PDS5A: variants seen among roughly 807,000 people sequenced by gnomAD.
PDS5A encodes PDS5 cohesin associated factor A, also known as sister chromatid cohesion protein PDS5 homolog A.
Under a neutral mutation model 167.1 loss-of-function variants are expected in PDS5A, and 42 were observed. The ratio of observed to expected loss-of-function variants is 0.25; its 90% confidence interval spans 0.20 to 0.33. The LOEUF (loss-of-function observed/expected upper bound fraction) is 0.33, where lower values mean the gene tolerates loss of function less well. PDS5A is among the 10% of genes least tolerant of loss of function. PDS5A has a pLI of 1.00. For missense variants in PDS5A, 1,033 were observed against 1,605.9 expected (o/e 0.64, Z 6.10); for synonymous variants, 553 against 554.6 (o/e 1.00, Z 0.04).
chr4:39,859,670 A>C (rs1718822688), intron 26 of PDS5A, among the ~76,000 whole-genome samples: 1 of 152,124 alleles, frequency 6.6e-6, no homozygotes. Context: ...TGGTCTCCTA[A>C]ACTGTCAGAA....
intron 21 of PDS5A, 51 bp downstream of exon 21, chr4:39,872,935 G>C (rs1194149998): frequency 9.6e-7 from 1 of 1,040,524 alleles, no homozygotes; most frequent in Non-Finnish European, 1.3e-6. Context: ...TGATGAAGAT[G>C]TAAACAGCCT....
chr4:39,908,337 A>C (rs1723576408), intron 11 of PDS5A, 58 bp downstream of exon 11: 9 of 1,287,952 alleles, frequency 7.0e-6, no homozygotes, highest in Non-Finnish European at 6.7e-6. Context: ...ATGATACCCA[A>C]TTGTATTTAG....
chr4:39,902,979 C>T (rs1723008724), intron 12 of PDS5A, among the ~76,000 whole-genome samples: 1 of 152,166 alleles, frequency 6.6e-6, no homozygotes, highest in South Asian at 2.1e-4. Context: ...CTGTCTGTGG[C>T]TTTATAATTT....
At position 39,823,251 on chromosome 4, in the gene PDS5A, C is replaced by T. The variant is rs1446635313; in HGVS notation, c.*2234G>A. Reference sequence around the variant, plus strand: ...TAAAAAAATTCCCGTAAACAAGTCCCTCCCCATCAGCTTGGTCTTTCCACA... The same window carrying T: ...TAAAAAAATTCCCGTAAACAAGTCCTTCCCCATCAGCTTGGTCTTTCCACA... On this transcript the variant is annotated 3_prime_UTR_variant, in exon 33 of 33. Transcript: ENST00000303538. 1.3e-5 allele frequency: 2 copies of T among 152,210 alleles called. No individual in the cohort carries two copies. The highest frequency in any genetic ancestry group is 6.5e-5 in the Admixed American group (1 of 15,270). 9.4% of individuals were successfully genotyped at this position (152,210 alleles called of 1,614,324 possible).
intron 30 of PDS5A, among the ~76,000 whole-genome samples, chr4:39,843,214 C>CA (rs1560419972): frequency 6.6e-6 from 1 of 151,692 alleles, no homozygotes; most frequent in East Asian, 1.9e-4. Context: ...CTTTGTCACC[C>CA]AGGCTGGAGT....
chr4:39,892,635 T>C (rs1000297135), intron 16 of PDS5A, among the ~76,000 whole-genome samples: 1 of 152,204 alleles, frequency 6.6e-6, no homozygotes. Flanking sequence ...GCAAGCTCCA[T>C]GAGAAACCAT....
At chr4:39,894,880 T>C (rs1722258916) in intron 16 of PDS5A, among the ~76,000 whole-genome samples, 1 of 152,070 alleles carries the variant, frequency 6.6e-6, no homozygotes. Context: ...ACCCTCCCCC[T>C]GCCCACACAC....
Position 39,910,706 on chromosome 4 carries a change from T to C in PDS5A, c.993-368A>G, listed in dbSNP as rs577081529. Among the ~76,000 whole-genome samples the C allele has an allele frequency of 9.9e-5, 15 of 152,262 alleles. No homozygotes were observed. The South Asian group carries it at 2.7e-3, about 27-fold the overall frequency. On this transcript the variant is annotated intron_variant, in intron 9 of 32. Coordinates refer to ENST00000303538, the MANE Select transcript of PDS5A (RefSeq NM_001100399.2). The stretch of plus-strand genomic sequence containing the variant: ...AAAATCAGTTTGAAGAATAAGTTTA[T>C]AGGAGATTCCAGGCACGGTGGCTGA...
chr4:39,937,685 G>A (rs962521480), intron 2 of PDS5A, among the ~76,000 whole-genome samples: 3 of 152,084 alleles, frequency 2.0e-5, no homozygotes, highest in African/African-American at 4.8e-5. Flanking sequence ...TCCCAAAGTG[G>A]TGTAAGCCAC....
At chr4:39,968,548 T>G (rs966275520) in intron 2 of PDS5A, among the ~76,000 whole-genome samples, 4 of 150,594 alleles carry the variant, frequency 2.7e-5, no homozygotes, top group African/African-American at 4.9e-5. Context: ...TTCTCCTGCC[T>G]CAGCCTCCTG....
chr4:39,953,537 C>A (rs1270453329), intron 2 of PDS5A, among the ~76,000 whole-genome samples: 4 of 151,546 alleles, frequency 2.6e-5, no homozygotes, highest in Middle Eastern at 3.4e-3. Flanking sequence ...TTAAGACCAG[C>A]CTGGAAAACA....
intron 23 of PDS5A, among the ~76,000 whole-genome samples, chr4:39,865,129 G>GT (rs552139603): frequency 4.8e-4 from 72 of 150,854 alleles, no homozygotes; most frequent in Middle Eastern, 6.8e-3. Context: ...TGCTTATAAC[G>GT]TTTTTTTTTC....
chr4:39,949,888 G>A (rs1172173395), intron 2 of PDS5A, among the ~76,000 whole-genome samples: 1 of 148,582 alleles, frequency 6.7e-6, no homozygotes, highest in Non-Finnish European at 1.5e-5. Context: ...CATTTGTGAT[G>A]ATACTAAAAA....
At chr4:39,930,672 A>G (rs1725977729) in intron 2 of PDS5A, among the ~76,000 whole-genome samples, 1 of 152,306 alleles carries the variant, frequency 6.6e-6, no homozygotes, top group South Asian at 2.1e-4. Flanking sequence ...TTTTAGTACT[A>G]AATTATACTG....
intron 2 of PDS5A, among the ~76,000 whole-genome samples, chr4:39,952,725 A>ATT (rs35943320): frequency 0.11 from 13,855 of 128,148 alleles, 1,069 homozygotes; most frequent in African/African-American, 0.2. Context: ...CAGATCTGGA[A>ATT]TTTTTTTTTT....
chr4:39,884,492 T>A (rs1721241492), intron 17 of PDS5A, among the ~76,000 whole-genome samples: 1 of 152,346 alleles, frequency 6.6e-6, no homozygotes, highest in Non-Finnish European at 1.5e-5. Flanking sequence ...GACTGTCCTA[T>A]GCCTTTCTGA....
chr4:39,929,914 CA>C (rs576020106), intron 2 of PDS5A, among the ~76,000 whole-genome samples: 32,657 of 142,378 alleles, frequency 0.23, 4,502 homozygotes, highest in Middle Eastern at 0.34. Flanking sequence ...CCTGGCTAAT[CA>C]AAAAAAAAAA....
intron 2 of PDS5A, among the ~76,000 whole-genome samples, chr4:39,945,535 G>A (rs913737924): frequency 2.0e-5 from 3 of 149,866 alleles, no homozygotes; most frequent in Non-Finnish European, 3.0e-5. Context: ...TTACCTATAT[G>A]TTACATATAG....
At chr4:39,952,394 G>A (rs1728493599) in intron 2 of PDS5A, among the ~76,000 whole-genome samples, 1 of 152,088 alleles carries the variant, frequency 6.6e-6, no homozygotes. Flanking sequence ...AAGGTGATGT[G>A]GAAAAAATTT....
Sources: gnomAD v4.1 joint callset for allele counts (sites outside exome capture counted in the v4.1 genomes callset) on GRCh38, gnomAD v4.1.1 for gene constraint, MANE v1.5 for transcripts, NCBI Gene and HGNC (gene_info 2026-07-23, HGNC 2026-07-21) for gene names.